MTG2: variants seen among roughly 807,000 people sequenced by gnomAD.
MTG2 encodes mitochondrial ribosome associated GTPase 2, also known as mitochondrial ribosome-associated GTPase 2.
Under a neutral mutation model 28.6 loss-of-function variants are expected in MTG2, and 23 were observed. That is an observed-to-expected ratio of 0.80 (90% CI 0.58 to 1.14). The LOEUF is 1.14. Ranked by LOEUF, MTG2 falls within the 50% of genes most tolerant of loss-of-function variation. The pLI, the probability that MTG2 is intolerant of heterozygous loss-of-function variation, is 0.00. For synonymous variants in MTG2, 260 were observed against 251.8 expected, an observed-to-expected ratio of 1.03 and a Z score of -0.31; for missense variants, 539 against 552.0, an observed-to-expected ratio of 0.98 and a Z score of 0.24.
At chr20:62,197,395 TA>T (rs10625260) in intron 3 of MTG2, 64 of 148,538 alleles carry the variant, frequency 4.3e-4, no homozygotes, top group Non-Finnish European at 4.8e-4. Flanking sequence ...AGACTCTGTC[TA>T]AAAAAAAAAA....
intron 1 of MTG2, 150 bp downstream of exon 1, chr20:62,183,207 C>T: frequency 6.6e-6 from 1 of 152,308 alleles, no homozygotes; most frequent in Non-Finnish European, 1.5e-5. Context: ...TGGAGGGCTG[C>T]CGGGCTGCGA....
chr20:62,199,059 ACT>A (rs1159812328), intron 5 of MTG2, 58 bp from the exon 6 acceptor site: 2 of 1,606,834 alleles, frequency 1.2e-6, no homozygotes, highest in East Asian at 4.5e-5. Context: ...TTAGTTACAG[ACT>A]CTGCGCTAAC....
At position 62,195,342 on chromosome 20, in the gene MTG2, G is replaced by A. The variant is rs551756385; in HGVS notation, c.205-460G>A. Among the ~76,000 whole-genome samples, 13 of 152,322 alleles carry A rather than the reference G, an allele frequency of 8.5e-5. No homozygotes were observed. In the East Asian group the frequency reaches 1.2e-3, roughly 14 times the overall value. ...GAAAGCCTGGTAATTGTCCAGGAAC[G>A]ATTCTAACTTCCTATTTCTCTATCG... is the stretch of plus-strand genomic sequence containing the variant. On this transcript the variant is annotated intron_variant, in intron 2 of 6. Transcript: ENST00000370823.
At chr20:62,186,899 T>TC (rs1172863914) in intron 1 of MTG2, among the ~76,000 whole-genome samples, 4 of 152,322 alleles carry the variant, frequency 2.6e-5, no homozygotes, top group African/African-American at 4.8e-5. Flanking sequence ...CTTCCTTTTT[T>TC]CCCCCTTTAT....
chr20:62,191,846 G>T (rs918196210), intron 1 of MTG2, among the ~76,000 whole-genome samples: 1 of 152,212 alleles, frequency 6.6e-6, no homozygotes, highest in Admixed American at 6.5e-5. Context: ...GGAGGGCAGG[G>T]TCAGGACTTC....
At chr20:62,185,213 A>C (rs889796261) in intron 1 of MTG2, among the ~76,000 whole-genome samples, 1 of 152,038 alleles carries the variant, frequency 6.6e-6, no homozygotes, top group Non-Finnish European at 1.5e-5. Flanking sequence ...GGAGTTCAAG[A>C]CCAGCCTGGC....
chr20:62,189,593 C>A (rs531485570), intron 1 of MTG2, among the ~76,000 whole-genome samples: 1 of 152,126 alleles, frequency 6.6e-6, no homozygotes, highest in East Asian at 1.9e-4. Flanking sequence ...CCAGGAACTG[C>A]TGTGCCCAGC....
chr20:62,197,183 G>A (rs1175852271), intron 3 of MTG2: 2 of 152,050 alleles, frequency 1.3e-5, no homozygotes, highest in African/African-American at 2.4e-5. Flanking sequence ...GATCACCTGA[G>A]GTCAGGAGTT....
intron 1 of MTG2, chr20:62,188,904 G>A (rs1346645019): frequency 1.3e-5 from 2 of 152,164 alleles, no homozygotes; most frequent in South Asian, 4.2e-4. Flanking sequence ...ACTTCCACCT[G>A]TACCTGAAAA....
intron 1 of MTG2, among the ~76,000 whole-genome samples, chr20:62,186,092 A>AG (rs1238750069): frequency 3.3e-5 from 5 of 152,186 alleles, no homozygotes; most frequent in African/African-American, 1.2e-4. Flanking sequence ...GTAACGTTCC[A>AG]GCAGGCTGAG....
chr20:62,198,686 C>T lies in MTG2; in HGVS notation c.521C>T (p.Ser174Phe). 1 of 1,614,132 alleles carries T rather than the reference C, an allele frequency of 6.2e-7. No homozygotes were observed. Among genetic ancestry groups the T allele is most frequent in the Non-Finnish European group, 8.5e-7 (1 of 1,180,038 alleles). Residue 174 changes from serine to phenylalanine, a missense_variant, in exon 5 of 7, where the codon TCT becomes TTT. Ser to Phe is a radical substitution (Grantham distance 155). Transcript: ENST00000370823. ...KEGGRVVADL[S>F]CVGDEYIAAL... ...GGAGGCAGAGTTGTGGCCGACCTGTCTTGCGTGGGAGATGAGTACATTGCC... is the reference window on the plus strand; with the variant it reads ...GGAGGCAGAGTTGTGGCCGACCTGTTTTGCGTGGGAGATGAGTACATTGCC...
intron 2 of MTG2, chr20:62,193,835 G>C (rs985223590): frequency 3.5e-6 from 2 of 570,696 alleles, no homozygotes; most frequent in Admixed American, 6.8e-5. Flanking sequence ...TGGGAGAGGC[G>C]CTGCGTGCTT....
At chr20:62,199,461 T>C (rs938492528) in intron 6 of MTG2, among the ~76,000 whole-genome samples, 2 of 151,706 alleles carry the variant, frequency 1.3e-5, no homozygotes, top group Non-Finnish European at 2.9e-5. Context: ...CTGGCTAACA[T>C]GGTGAAACCC....
chr20:62,198,691 G>T lies in MTG2; in HGVS notation c.526G>T (p.Val176Leu). ...CAGAGTTGTGGCCGACCTGTCTTGC[G>T]TGGGAGATGAGTACATTGCCGCGCT... The part of the protein sequence containing the change: ...GGRVVADLSC[V>L]GDEYIAALGG... Residue 176 changes from valine to leucine, a missense_variant, in exon 5 of 7, where the codon GTG becomes TTG. Physicochemically the swap from Val to Leu is conservative, Grantham distance 32 (BLOSUM62 1). Coordinates refer to ENST00000370823, the MANE Select transcript of MTG2 (RefSeq NM_015666.4). The T allele has an allele frequency of 6.2e-7, 1 of 1,614,128 alleles. No individual in the cohort carries two copies. The highest frequency in any genetic ancestry group is 8.5e-7 in the Non-Finnish European group (1 of 1,180,046).
intron 5 of MTG2, 112 bp from the exon 6 acceptor site, chr20:62,199,007 C>T: frequency 6.4e-7 from 1 of 1,562,812 alleles, no homozygotes; most frequent in Non-Finnish European, 8.7e-7. Flanking sequence ...AGCATGAGCC[C>T]TTGTGACTCC....
intron 1 of MTG2, among the ~76,000 whole-genome samples, chr20:62,185,934 T>C (rs1030639341): frequency 2.0e-5 from 3 of 152,038 alleles, no homozygotes; most frequent in African/African-American, 4.8e-5. Flanking sequence ...CAAAGAGAAA[T>C]TGAAAGGGCA....
intron 1 of MTG2, among the ~76,000 whole-genome samples, chr20:62,192,242 G>A (rs994536508): frequency 3.3e-5 from 5 of 152,206 alleles, no homozygotes; most frequent in Non-Finnish European, 7.3e-5. Context: ...GAGTTCCTAC[G>A]ACCCCTTCAG....
intron 1 of MTG2, among the ~76,000 whole-genome samples, chr20:62,188,116 G>A (rs2057884050): frequency 7.1e-6 from 1 of 140,880 alleles, no homozygotes; most frequent in African/African-American, 2.6e-5. Flanking sequence ...GGGCGACAGT[G>A]CGAGACTGTC....
At chr20:62,196,502 G>T (rs2058061116) in intron 3 of MTG2, among the ~76,000 whole-genome samples, 1 of 150,192 alleles carries the variant, frequency 6.7e-6, no homozygotes, top group South Asian at 2.1e-4. Flanking sequence ...GTGAAATCCT[G>T]TCTCTTAAAA....
Sources: allele counts gnomAD v4.1 joint callset (sites outside exome capture counted in the v4.1 genomes callset), GRCh38; gene constraint gnomAD v4.1.1; transcripts MANE v1.5; gene names NCBI Gene and HGNC (gene_info 2026-07-23, HGNC 2026-07-21).